Variants in CCDC3 observed in about 807,000 individuals in gnomAD.
The protein encoded by CCDC3 is coiled-coil domain-containing protein 3.
CCDC3 carries 24 observed loss-of-function variants against 21.4 expected under a neutral mutation model. The observed-to-expected ratio is 1.12, with a 90% CI of 0.81 to 1.58. CCDC3 has a LOEUF of 1.58. CCDC3 is among the 40% of genes most tolerant of loss of function. The pLI is 0.00. For missense variants in CCDC3, 425 were observed against 360.9 expected (o/e 1.18, Z -1.44); for synonymous variants, 186 against 166.0 (o/e 1.12, Z -0.93).
intron 2 of CCDC3, among the ~76,000 whole-genome samples, chr10:12,994,146 C>G (rs548300594): frequency 6.6e-6 from 1 of 152,222 alleles, no homozygotes; most frequent in South Asian, 2.1e-4. Context: ...GCCTGTAATC[C>G]CAGAACTTTG....
At chr10:13,018,783 A>T (rs1176166676) in intron 5 of CCDC3, among the ~76,000 whole-genome samples, 2 of 151,762 alleles carry the variant, frequency 1.3e-5, no homozygotes, top group Admixed American at 6.6e-5. Flanking sequence ...ATACAAAAAA[A>T]ATCAGCTGGG....
rs1159175370 is a variant in CCDC3 at position 13,065,789 on chromosome 10, A to G, written c.-270+8079T>C. Among the ~76,000 whole-genome samples the G allele has an allele frequency of 2.6e-5, 4 of 152,216 alleles. No individual in the cohort carries two copies. The East Asian group carries it at 5.8e-4, about 22-fold the overall frequency. The stretch of plus-strand genomic sequence containing the variant: ...CAATACTTACCAGTTGATGCTGTCA[A>G]TCATACATCAATGTCATATATATAT... On this transcript the variant is annotated intron_variant, in intron 4 of 6. Transcript: ENST00000378839.
intron 2 of CCDC3, among the ~76,000 whole-genome samples, chr10:12,957,022 T>C (rs1282856442): frequency 6.6e-6 from 1 of 152,258 alleles, no homozygotes; most frequent in Non-Finnish European, 1.5e-5. Context: ...ATGTACCTTT[T>C]GCAATTCAGG....
At chr10:12,938,849 A>T (rs993212474) in intron 2 of CCDC3, among the ~76,000 whole-genome samples, 2 of 152,208 alleles carry the variant, frequency 1.3e-5, no homozygotes, top group Non-Finnish European at 2.9e-5. Flanking sequence ...ATGCCTGCTT[A>T]ATAGACATTT....
chr10:12,960,874 G>A (rs978749240), intron 2 of CCDC3, among the ~76,000 whole-genome samples: 2 of 152,176 alleles, frequency 1.3e-5, no homozygotes, highest in Admixed American at 1.3e-4. Context: ...GAAGTGTCCC[G>A]TAGAATAGAA....
chr10:12,956,270 C>T (rs967284558), intron 2 of CCDC3, among the ~76,000 whole-genome samples: 2 of 152,222 alleles, frequency 1.3e-5, no homozygotes, highest in African/African-American at 4.8e-5. Flanking sequence ...TCAAAGTAGG[C>T]TGGACTGTCC....
chr10:12,985,609 A>T (rs1324943448), intron 2 of CCDC3, among the ~76,000 whole-genome samples: 1 of 152,238 alleles, frequency 6.6e-6, no homozygotes, highest in African/African-American at 2.4e-5. Flanking sequence ...AAGGGAATCC[A>T]GTAACTTGGA....
chr10:12,966,779 A>G (rs1835268560), intron 2 of CCDC3, among the ~76,000 whole-genome samples: 1 of 152,220 alleles, frequency 6.6e-6, no homozygotes, highest in African/African-American at 2.4e-5. Context: ...GGAAACCAGT[A>G]TTTATTGGGC....
At chr10:12,960,246 T>C (rs973686741) in intron 2 of CCDC3, among the ~76,000 whole-genome samples, 5 of 151,914 alleles carry the variant, frequency 3.3e-5, no homozygotes, top group Non-Finnish European at 7.4e-5. Flanking sequence ...ACAAAAAGCA[T>C]AGACAGACTT....
intron 3 of CCDC3, among the ~76,000 whole-genome samples, chr10:13,094,158 A>T (rs1832606080): frequency 6.6e-6 from 1 of 152,212 alleles, no homozygotes; most frequent in African/African-American, 2.4e-5. Context: ...ATTAATAAGC[A>T]GCATTCTTAT....
upstream of CCDC3, among the ~76,000 whole-genome samples, chr10:13,006,673 T>C (rs1328947101): frequency 6.6e-6 from 1 of 152,204 alleles, no homozygotes; most frequent in African/African-American, 2.4e-5. Context: ...TTGTCAACTT[T>C]GGTCCCTTTG....
At chr10:12,936,439 G>C (rs1659853) in intron 2 of CCDC3, among the ~76,000 whole-genome samples, 56,774 of 151,800 alleles carry the variant, frequency 0.37, 10,933 homozygotes, top group East Asian at 0.47. Context: ...GCTCACTGCA[G>C]CCTTGACCTC....
intron 2 of CCDC3, among the ~76,000 whole-genome samples, chr10:12,974,248 G>C (rs147266097): frequency 6.6e-6 from 1 of 152,330 alleles, no homozygotes; most frequent in South Asian, 2.1e-4. Context: ...CCAGATGTGC[G>C]AACTTCCTGC....
intron 2 of CCDC3, among the ~76,000 whole-genome samples, chr10:12,927,694 CTT>C (rs1001370417): frequency 2.0e-5 from 3 of 152,274 alleles, no homozygotes; most frequent in African/African-American, 7.2e-5. Context: ...CTAATACACA[CTT>C]TGTCCCAAAA....
At chr10:13,072,321 G>C (rs1235258568) in intron 4 of CCDC3, among the ~76,000 whole-genome samples, 1 of 152,142 alleles carries the variant, frequency 6.6e-6, no homozygotes. Flanking sequence ...AGTGCCCCCT[G>C]TTAGCAGAAA....
intron 4 of CCDC3, among the ~76,000 whole-genome samples, chr10:13,063,656 G>C (rs978601388): frequency 6.6e-6 from 1 of 152,208 alleles, no homozygotes; most frequent in Non-Finnish European, 1.5e-5. Context: ...GCCAGAGTCT[G>C]TTCCACCAGA....
chr10:13,096,585 A>C (rs1411549047), intron 3 of CCDC3, among the ~76,000 whole-genome samples: 1 of 152,126 alleles, frequency 6.6e-6, no homozygotes, highest in Non-Finnish European at 1.5e-5. Context: ...AAACTCCAGG[A>C]GGGCTTTTGG....
intron 2 of CCDC3, among the ~76,000 whole-genome samples, chr10:12,994,882 A>G (rs1421323011): frequency 6.6e-6 from 1 of 152,058 alleles, no homozygotes; most frequent in African/African-American, 2.4e-5. Flanking sequence ...GGAGTTCAAG[A>G]CCAGCCAGGC....
At chr10:12,973,201 G>A (rs1835368380) in intron 2 of CCDC3, among the ~76,000 whole-genome samples, 1 of 152,142 alleles carries the variant, frequency 6.6e-6, no homozygotes, top group South Asian at 2.1e-4. Flanking sequence ...TAGTCTGATG[G>A]ATTACAGGGG....
Sources: gnomAD v4.1 joint callset for allele counts (sites outside exome capture counted in the v4.1 genomes callset) on GRCh38, gnomAD v4.1.1 for gene constraint, MANE v1.5 for transcripts, NCBI Gene and HGNC (gene_info 2026-07-23, HGNC 2026-07-21) for gene names.